CD70: variants seen among roughly 807,000 people sequenced by gnomAD.
CD70 encodes the protein CD70 molecule.
A neutral mutation model predicts 9.0 loss-of-function variants in CD70; 6 were observed. That is an observed-to-expected ratio of 0.67 (90% CI 0.37 to 1.32). CD70 has a LOEUF of 1.32. CD70 is among the 40% of genes most tolerant of loss of function. The probability of loss-of-function intolerance (pLI) is 0.02; values close to 1 mark genes in which losing one functional copy is unlikely to be tolerated. For synonymous variants in CD70, 108 were observed against 112.3 expected, an observed-to-expected ratio of 0.96 and a Z score of 0.24; for missense variants, 235 against 258.7, an observed-to-expected ratio of 0.91 and a Z score of 0.63.
chr19:6,581,650 T>A (rs1420998735), downstream of CD70, among the ~76,000 whole-genome samples: 1 of 152,156 alleles, frequency 6.6e-6, no homozygotes, highest in African/African-American at 2.4e-5. Context: ...AGACTGTATA[T>A]CTAAAAAATT....
chr19:6,590,777 C>T lies in CD70; in HGVS notation c.162+64G>A, dbSNP rs1339223692. On this transcript the variant is annotated intron_variant, in intron 1 of 2. Coordinates refer to ENST00000245903, the MANE Select transcript of CD70 (RefSeq NM_001252.5). This position sits in a 1 kb window ranked among gnomAD's most constrained non-coding sequence, Gnocchi z 5.3. ...CTCTCTGGCCTCTTTGTACCCATCT[C>T]ATTCTGTCTTTTCGGTCACGCGCCT... The T allele has an allele frequency of 3.6e-6, 5 of 1,390,898 alleles. No individual in the cohort carries two copies. Among genetic ancestry groups the T allele is most frequent in the Non-Finnish European group, 5.1e-6 (5 of 988,598 alleles). 86.2% of individuals were successfully genotyped at this position (1,390,898 alleles called of 1,614,324 possible). A position where few individuals can be genotyped will look rare whatever the true frequency, so the allele number is the denominator to read the frequency against.
downstream of CD70, among the ~76,000 whole-genome samples, chr19:6,581,828 A>G (rs1599447689): frequency 6.6e-6 from 1 of 152,122 alleles, no homozygotes; most frequent in East Asian, 1.9e-4. Flanking sequence ...TCATTTCAGC[A>G]TTAACTCAAA....
chr19:6,588,650 C>G (rs190563913), intron 2 of CD70, among the ~76,000 whole-genome samples: 13 of 152,210 alleles, frequency 8.5e-5, no homozygotes, highest in East Asian at 3.9e-4. Context: ...ACCACCCCCC[C>G]ACCCGACCGC....
intron 2 of CD70, among the ~76,000 whole-genome samples, chr19:6,587,863 T>C (rs1478022782): frequency 6.6e-6 from 1 of 151,986 alleles, no homozygotes; most frequent in Non-Finnish European, 1.5e-5. Context: ...TGCGCCACCA[T>C]GACCAGCTAA....
rs780075011 is a variant in CD70, at chr19:6,586,000, A to T, written c.*20T>A. ...AATAAAATAAAATAAAATTTAAAAA[A>T]CCCTAATCAGCAGCAGTGGTCAGGG... is the stretch of plus-strand genomic sequence containing the variant. On this transcript the variant is annotated 3_prime_UTR_variant, in exon 3 of 3. Transcript: ENST00000245903. 9.0e-6 allele frequency: 14 copies of T among 1,553,198 alleles called. No homozygotes were observed. The South Asian group carries it at 1.4e-4, about 16-fold the overall frequency.
At chr19:6,582,263 T>C (rs1216786861), downstream of CD70, among the ~76,000 whole-genome samples, 2 of 151,666 alleles carry the variant, frequency 1.3e-5, no homozygotes, top group Non-Finnish European at 2.9e-5. Flanking sequence ...CTCGAACTCT[T>C]CAGCTCAGGC....
downstream of CD70, among the ~76,000 whole-genome samples, chr19:6,582,582 C>A (rs1257596765): frequency 2.8e-5 from 4 of 141,624 alleles, no homozygotes; most frequent in Admixed American, 2.3e-4. Flanking sequence ...TCTCATTGTT[C>A]AATTTCCACC....
chr19:6,583,063 G>T (rs902302119), downstream of CD70: 1 of 357,338 alleles, frequency 2.8e-6, no homozygotes, highest in Non-Finnish European at 5.1e-6. Flanking sequence ...GGCGGGTGGC[G>T]CATGGGTCTC....
At chr19:6,587,070 G>A (rs1211933008) in intron 2 of CD70, among the ~76,000 whole-genome samples, 1 of 151,190 alleles carries the variant, frequency 6.6e-6, no homozygotes, top group Non-Finnish European at 1.5e-5. Flanking sequence ...GAGAGCATGA[G>A]AGAGCGAGAG....
At position 6,586,230 on chromosome 19, in the gene CD70, G is replaced by T; in HGVS notation, c.372C>A (p.His124Gln). 6.2e-7 allele frequency: 1 copy of T among 1,614,068 alleles called. No individual in the cohort carries two copies. Among genetic ancestry groups the T allele is most frequent in the Non-Finnish European group, 8.5e-7 (1 of 1,179,992 alleles). Residue 124 changes from histidine (H) to glutamine (Q), a missense_variant, in exon 3 of 3, where the codon CAC becomes CAA. Coordinates refer to ENST00000245903, the MANE Select transcript of CD70 (RefSeq NM_001252.5). ...ICSSTTASRHHPTTLAVGICS... is the reference protein window; with the variant it reads ...ICSSTTASRHQPTTLAVGICS... ...AGATTCCCACGGCCAGGGTGGTGGG[G>T]TGGTGCCTGGAGGCCGTCGTGGAGG...
downstream of CD70, among the ~76,000 whole-genome samples, chr19:6,585,324 G>A (rs1451938572): frequency 6.7e-6 from 1 of 150,302 alleles, no homozygotes; most frequent in African/African-American, 2.4e-5. Flanking sequence ...TTGTCAAATA[G>A]ATGCACCAAG....
intron 2 of CD70, among the ~76,000 whole-genome samples, chr19:6,588,392 G>A (rs183103586): frequency 5.8e-4 from 89 of 152,228 alleles, no homozygotes; most frequent in African/African-American, 2.1e-3. Context: ...GCCGGGGAGG[G>A]GGGGAAGATA....
downstream of CD70, among the ~76,000 whole-genome samples, chr19:6,583,789 AT>A (rs59486408): frequency 0.4 from 39,226 of 98,574 alleles, 7,191 homozygotes; most frequent in Admixed American, 0.49. Flanking sequence ...TGTGGTCTTG[AT>A]TTTTTTTTTT....
Position 6,590,746 on chromosome 19 carries a change from A to T in CD70, c.162+95T>A. The T allele has an allele frequency of 8.6e-7, 1 of 1,161,356 alleles. No individual in the cohort carries two copies. Among genetic ancestry groups the T allele is most frequent in the Non-Finnish European group, 1.3e-6 (1 of 795,248 alleles). The allele number at this position is 1,161,356 out of a possible 1,614,324, so 71.9% of individuals were successfully genotyped here. The stretch of plus-strand genomic sequence containing the variant: ...CTGGTCTCTGTCTCTGCCCTACCAG[A>T]TCTTCCTCTCTGGCCTCTTTGTACC... On this transcript the variant is annotated intron_variant, in intron 1 of 2. Transcript: ENST00000245903. This position sits in a 1 kb window ranked among gnomAD's most constrained non-coding sequence, Gnocchi z 5.3.
At chr19:6,585,477 C>G (rs1229820036), downstream of CD70, among the ~76,000 whole-genome samples, 5 of 150,900 alleles carry the variant, frequency 3.3e-5, no homozygotes, top group African/African-American at 1.2e-4. Flanking sequence ...TTTGGAGTAG[C>G]TTGGACTAGC....
intron 2 of CD70, 99 bp from the exon 3 acceptor site, chr19:6,586,504 A>T: frequency 7.7e-7 from 1 of 1,302,018 alleles, no homozygotes; most frequent in Non-Finnish European, 1.0e-6. Context: ...CGAGAGTTAG[A>T]GATCAAGGAA....
chr19:6,589,264 CTT>C (rs1568432163), intron 2 of CD70, among the ~76,000 whole-genome samples: 1 of 148,960 alleles, frequency 6.7e-6, no homozygotes, highest in Non-Finnish European at 1.5e-5. Flanking sequence ...TTTTCTTTCT[CTT>C]ATTTCTTTTT....
At position 6,590,471 on chromosome 19, in the gene CD70, C is replaced by T. The variant is rs1916132958; in HGVS notation, c.163-335G>A. Among the ~76,000 whole-genome samples, 1 of 152,158 alleles carries T rather than the reference C, an allele frequency of 6.6e-6. No individual in the cohort carries two copies. Among genetic ancestry groups the T allele is most frequent in the African/African-American group, 2.4e-5 (1 of 41,444 alleles). On this transcript the variant is annotated intron_variant, in intron 1 of 2. Coordinates refer to ENST00000245903, the MANE Select transcript of CD70 (RefSeq NM_001252.5). The surrounding 1 kb of genome is among the most constrained non-coding windows in gnomAD (Gnocchi z 5.3). ...CCCGGCGCGGTCCCCAAAGGGACCC[C>T]TCCCCCACCCGGAGCGAGTGGCTGG... is the stretch of plus-strand genomic sequence containing the variant.
chr19:6,581,950 T>C (rs1004375264), downstream of CD70, among the ~76,000 whole-genome samples: 6 of 148,506 alleles, frequency 4.0e-5, no homozygotes, highest in African/African-American at 1.5e-4. Context: ...GCGTTGGATA[T>C]ACCCATTCCA....
Sources: allele counts gnomAD v4.1 joint callset (sites outside exome capture counted in the v4.1 genomes callset), GRCh38; gene constraint gnomAD v4.1.1; non-coding constraint Gnocchi (gnomAD v3.1); transcripts MANE v1.5; gene names NCBI Gene and HGNC (gene_info 2026-07-23, HGNC 2026-07-21).